The following LRBA variants were observed in gnomAD, a reference collection of about 807,000 sequenced individuals.
LRBA encodes the protein lipopolysaccharide-responsive and beige-like anchor protein.
In LRBA, 176 loss-of-function variants were observed where a neutral mutation model predicts 330.0. The ratio of observed to expected loss-of-function variants is 0.53; its 90% confidence interval spans 0.47 to 0.60. LRBA has a LOEUF of 0.60. LRBA is among the 20% of genes least tolerant of loss of function. The pLI is 0.00. For missense variants in LRBA, 3,259 were observed against 3,444.8 expected, an observed-to-expected ratio of 0.95 and a Z score of 1.35; for synonymous variants, 1,230 against 1,193.0, an observed-to-expected ratio of 1.03 and a Z score of -0.64.
chr4:150,681,935 ACTTCAGGAAAACTATGTTTTC>A (rs1231410978), intron 37 of LRBA, among the ~76,000 whole-genome samples: 3 of 152,184 alleles, frequency 2.0e-5, no homozygotes, highest in Non-Finnish European at 2.9e-5. Context: ...CACCAAAATC[ACTTCAGGAAAACTATGTTTTC>A]CTTTTGATAC....
Position 150,415,645 on chromosome 4 carries a change from T to C in LRBA, c.7042-55A>G, listed in dbSNP as rs1305262849. The C allele has an allele frequency of 3.8e-6, 4 of 1,058,778 alleles. No individual in the cohort carries two copies. In the African/African-American group the frequency reaches 6.4e-5, roughly 17 times the overall value. The allele number at this position is 1,058,778 out of a possible 1,614,324, so 65.6% of individuals were successfully genotyped here. On this transcript the variant is annotated intron_variant, in intron 46 of 56. Transcript: ENST00000651943. The stretch of plus-strand genomic sequence containing the variant: ...TATAAACTGTAGGATACTGACTAGA[T>C]ATTCAAAAAAAGGACCTGATCATTT...
intron 40 of LRBA, among the ~76,000 whole-genome samples, chr4:150,493,243 C>CA (rs1193807854): frequency 2.0e-5 from 3 of 152,148 alleles, no homozygotes; most frequent in African/African-American, 7.2e-5. Flanking sequence ...CTCAGCCTCC[C>CA]AAAGTGCTGG....
At chr4:150,937,162 G>C (rs965470532) in intron 2 of LRBA, among the ~76,000 whole-genome samples, 2 of 152,186 alleles carry the variant, frequency 1.3e-5, no homozygotes, top group African/African-American at 4.8e-5. Context: ...CTTTCAAGGA[G>C]AAATTGATGG....
chr4:150,789,608 C>T (rs17027100), intron 34 of LRBA, among the ~76,000 whole-genome samples: 13,475 of 152,144 alleles, frequency 0.089, 1,037 homozygotes, highest in African/African-American at 0.22. Flanking sequence ...ACTCTGACTA[C>T]TCTGACTAAA....
intron 42 of LRBA, among the ~76,000 whole-genome samples, chr4:150,477,678 T>A (rs1474906228): frequency 6.6e-6 from 1 of 152,054 alleles, no homozygotes; most frequent in Non-Finnish European, 1.5e-5. Flanking sequence ...GATTATATCA[T>A]GGGGTAAATT....
chr4:150,313,468 G>C, intron 51 of LRBA, among the ~76,000 whole-genome samples: 1 of 152,124 alleles, frequency 6.6e-6, no homozygotes, highest in East Asian at 1.9e-4. Flanking sequence ...AATTGTCTGA[G>C]AGGATACATG....
intron 47 of LRBA, among the ~76,000 whole-genome samples, chr4:150,371,412 C>A (rs1037164017): frequency 3.9e-5 from 6 of 151,940 alleles, no homozygotes; most frequent in Non-Finnish European, 8.8e-5. Context: ...AGGCTGGTCT[C>A]AAACTCCTGA....
intron 47 of LRBA, among the ~76,000 whole-genome samples, chr4:150,409,034 T>G (rs1746585775): frequency 6.6e-6 from 1 of 152,128 alleles, no homozygotes. Flanking sequence ...GAAGGTGGCC[T>G]TATATGAAAA....
chr4:150,653,616 C>G (rs1392898482), intron 37 of LRBA, among the ~76,000 whole-genome samples: 1 of 152,112 alleles, frequency 6.6e-6, no homozygotes, highest in Non-Finnish European at 1.5e-5. Flanking sequence ...GATTGTTTGT[C>G]ATTTCTAGGC....
intron 40 of LRBA, among the ~76,000 whole-genome samples, chr4:150,559,684 TTATATTA>T (rs1423759912): frequency 4.6e-4 from 40 of 87,622 alleles, no homozygotes; most frequent in South Asian, 1.3e-3. Context: ...ATATAATATA[TTATATTA>T]TATATTATAT....
intron 35 of LRBA, among the ~76,000 whole-genome samples, chr4:150,737,523 A>G (rs72738325): frequency 2.0e-5 from 3 of 149,748 alleles, no homozygotes; most frequent in Non-Finnish European, 3.0e-5. Flanking sequence ...AAAGAAAAGA[A>G]AAAAGAAAAG....
intron 2 of LRBA, among the ~76,000 whole-genome samples, chr4:150,994,188 C>T (rs1040257178): frequency 6.6e-6 from 1 of 152,058 alleles, no homozygotes; most frequent in Non-Finnish European, 1.5e-5. Context: ...ATAACCAACC[C>T]CACCACCATC....
chr4:150,952,652 C>T (rs551158289), intron 2 of LRBA, among the ~76,000 whole-genome samples: 1 of 151,468 alleles, frequency 6.6e-6, no homozygotes, highest in South Asian at 2.1e-4. Context: ...TCTCTCTGTG[C>T]GTGGGGTGGG....
intron 28 of LRBA, among the ~76,000 whole-genome samples, chr4:150,834,471 T>G (rs910897917): frequency 1.3e-5 from 2 of 152,216 alleles, no homozygotes; most frequent in African/African-American, 4.8e-5. Context: ...TCAGAGCTGT[T>G]GGGTGACCAG....
intron 37 of LRBA, among the ~76,000 whole-genome samples, chr4:150,636,236 G>A (rs1308351334): frequency 6.9e-6 from 1 of 145,006 alleles, no homozygotes; most frequent in Non-Finnish European, 1.5e-5. Flanking sequence ...GAGGTACTTT[G>A]GAACTATGCA....
At chr4:150,709,440 C>T (rs112531030) in intron 36 of LRBA, among the ~76,000 whole-genome samples, 92 of 152,034 alleles carry the variant, frequency 6.1e-4, no homozygotes, top group South Asian at 3.7e-3. Flanking sequence ...TAATTTGAGA[C>T]GCTATTATTA....
intron 28 of LRBA, among the ~76,000 whole-genome samples, chr4:150,833,426 A>C (rs1456807506): frequency 6.6e-6 from 1 of 152,120 alleles, no homozygotes; most frequent in Non-Finnish European, 1.5e-5. Context: ...CTATCAGATA[A>C]ATCCAGGCAT....
intron 13 of LRBA, among the ~76,000 whole-genome samples, chr4:150,904,962 G>C (rs1350584131): frequency 6.6e-6 from 1 of 152,134 alleles, no homozygotes; most frequent in East Asian, 1.9e-4. Flanking sequence ...CAGAAGGGGA[G>C]AGAGGAAAAC....
At chr4:150,570,179 T>G (rs1769654507) in intron 40 of LRBA, among the ~76,000 whole-genome samples, 1 of 152,150 alleles carries the variant, frequency 6.6e-6, no homozygotes, top group Non-Finnish European at 1.5e-5. Flanking sequence ...TTGCCAAAAC[T>G]TAGTTCAAAT....
Sources: gnomAD v4.1 joint callset for allele counts (sites outside exome capture counted in the v4.1 genomes callset) on GRCh38, gnomAD v4.1.1 for gene constraint, MANE v1.5 for transcripts, NCBI Gene and HGNC (gene_info 2026-07-23, HGNC 2026-07-21) for gene names.